Variants in KIF9 observed in about 807,000 individuals in gnomAD.
The protein encoded by KIF9 is kinesin-like protein KIF9.
In KIF9, 68 loss-of-function variants were observed where a neutral mutation model predicts 94.8. The observed-to-expected ratio is 0.72, with a 90% confidence interval of 0.59 to 0.88. KIF9 has a LOEUF of 0.88. Among genes scored for constraint, KIF9 ranks in the 40% least tolerant of loss-of-function variants. KIF9 has a pLI of 0.00. For synonymous variants in KIF9, 343 were observed against 362.1 expected (o/e 0.95, Z 0.60); for missense variants, 882 against 982.5 (o/e 0.90, Z 1.37).
chr3:47,243,039 T>C lies in KIF9; in HGVS notation c.1709+12A>G, dbSNP rs1699678679. 1.3e-6 allele frequency: 2 copies of C among 1,591,934 alleles called. No homozygotes were observed. Among genetic ancestry groups the C allele is most frequent in the Non-Finnish European group, 8.6e-7 (1 of 1,162,060 alleles). ...GTTTGATCTGGTGCAGAAGCTAACA[T>C]TAGCTGATTACCTAATTGGGCGTAA... On this transcript the variant is annotated intron_variant, in intron 16 of 20. Coordinates refer to ENST00000684063, the MANE Select transcript of KIF9 (RefSeq NM_182902.4).
In KIF9 at chr3:47,275,309, T is replaced by G; in HGVS notation, c.259+16A>C. The G allele has an allele frequency of 6.3e-7, 1 of 1,578,088 alleles. No individual in the cohort carries two copies. Among genetic ancestry groups the G allele is most frequent in the Non-Finnish European group, 8.6e-7 (1 of 1,161,138 alleles). On this transcript the variant is annotated intron_variant, in intron 3 of 20. Coordinates refer to ENST00000684063, the MANE Select transcript of KIF9 (RefSeq NM_182902.4). The stretch of plus-strand genomic sequence containing the variant: ...TCAGGTTCTTACATAAGACAACATT[T>G]AATTAATTAAGTTACCATTATAGCC...
In KIF9 at chr3:47,274,404, C is replaced by T. The variant is rs967646908; in HGVS notation, c.260-746G>A. ...TCCCCTTAGCATGGGCAGCCTGAGCCAGACCCCATCCCACAGGCTGCCCAT... is the reference window on the plus strand; with the variant it reads ...TCCCCTTAGCATGGGCAGCCTGAGCTAGACCCCATCCCACAGGCTGCCCAT... On this transcript the variant is annotated intron_variant, in intron 3 of 20. Coordinates refer to ENST00000684063, the MANE Select transcript of KIF9 (RefSeq NM_182902.4). 2.6e-5 allele frequency among the ~76,000 whole-genome samples: 4 copies of T among 152,222 alleles called. No individual in the cohort carries two copies. The East Asian group carries it at 7.7e-4, about 29-fold the overall frequency.
intron 12 of KIF9, chr3:47,246,501 A>G: frequency 3.5e-6 from 1 of 288,610 alleles, no homozygotes; most frequent in Non-Finnish European, 6.4e-6. Flanking sequence ...TTCGAAGTGG[A>G]GACCTCTATA....
At chr3:47,269,918 C>T (rs529729132) in intron 5 of KIF9, among the ~76,000 whole-genome samples, 8 of 151,846 alleles carry the variant, frequency 5.3e-5, no homozygotes, top group East Asian at 2.0e-4. Flanking sequence ...TGGGAGTTAG[C>T]GCCACCACAT....
At chr3:47,232,701 G>A (rs983378645) in intron 20 of KIF9, among the ~76,000 whole-genome samples, 5 of 151,956 alleles carry the variant, frequency 3.3e-5, no homozygotes, top group African/African-American at 1.2e-4. Context: ...AAGGAAAGTC[G>A]GCCGGGCATG....
At chr3:47,240,498 C>T (rs900861366) in intron 17 of KIF9, among the ~76,000 whole-genome samples, 37 of 152,300 alleles carry the variant, frequency 2.4e-4, no homozygotes, top group African/African-American at 8.4e-4. Context: ...AGTGATACCT[C>T]TGCAGGACAA....
intron 10 of KIF9, among the ~76,000 whole-genome samples, chr3:47,250,160 C>A (rs1193375088): frequency 6.6e-6 from 1 of 151,674 alleles, no homozygotes; most frequent in East Asian, 1.9e-4. Flanking sequence ...TTAGTGCTGT[C>A]CAATAGCACT....
intron 10 of KIF9, chr3:47,250,567 G>A (rs2107279896): frequency 2.0e-6 from 1 of 491,764 alleles, no homozygotes; most frequent in Non-Finnish European, 4.1e-6. Context: ...GTTCAAGGGT[G>A]GCACATCTCA....
In KIF9 at chr3:47,282,750, G is replaced by C. The variant is rs1702479214; in HGVS notation, c.-261C>G. 2 of 1,426,018 alleles carry C rather than the reference G, an allele frequency of 1.4e-6. No individual in the cohort carries two copies. The highest frequency in any genetic ancestry group is 1.4e-5 in the African/African-American group (1 of 69,362). The allele number at this position is 1,426,018 out of a possible 1,614,324, so 88.3% of individuals were successfully genotyped here. The stretch of plus-strand genomic sequence containing the variant: ...AGACTTCGGCGGATGCACATGCGAA[G>C]TCAAGGTCGAGATAGCGAGGGAACG... On this transcript the variant is annotated 5_prime_UTR_variant, in exon 1 of 21. Coordinates refer to ENST00000684063, the MANE Select transcript of KIF9 (RefSeq NM_182902.4).
At chr3:47,233,361 CAAAAAAAAAAAA>C (rs966425803) in intron 20 of KIF9, among the ~76,000 whole-genome samples, 5 of 26,326 alleles carry the variant, frequency 1.9e-4, no homozygotes, top group East Asian at 1.3e-3. Context: ...GACTCTGTCT[CAAAAAAAAAAAA>C]AAAAAAAAAA....
In KIF9 at chr3:47,247,419, T is replaced by A. The variant is rs747203409; in HGVS notation, c.1187A>T (p.Asn396Ile). The A allele has an allele frequency of 6.2e-7, 1 of 1,613,624 alleles. No homozygotes were observed. Among genetic ancestry groups the A allele is most frequent in the Non-Finnish European group, 8.5e-7 (1 of 1,179,734 alleles). Residue 396 changes from asparagine (N) to isoleucine (I), a missense_variant, in exon 12 of 21, where the codon AAC becomes ATC. Physicochemically the swap from Asn to Ile is moderately radical, Grantham distance 149. Coordinates refer to ENST00000684063, the MANE Select transcript of KIF9 (RefSeq NM_182902.4). ...CTCCAGGTACCTCCGCACCTGGGAG[T>A]TGATCTCAGCAATCTGGATTTCATC... ...PMDEIQIAEI[N>I]SQVRRYLEGT...
intron 17 of KIF9, chr3:47,239,784 C>G (rs1042244929): frequency 1.5e-6 from 2 of 1,363,538 alleles, no homozygotes; most frequent in Non-Finnish European, 2.0e-6. Context: ...AAATGCACCC[C>G]CTGTGAGTGA....
chr3:47,250,235 G>A (rs1018386524), intron 10 of KIF9, among the ~76,000 whole-genome samples: 6 of 152,096 alleles, frequency 3.9e-5, no homozygotes, highest in Non-Finnish European at 8.8e-5. Flanking sequence ...GACAAATACA[G>A]CTACTGAACA....
chr3:47,245,304 C>T, intron 14 of KIF9, 117 bp downstream of exon 14: 2 of 816,236 alleles, frequency 2.5e-6, no homozygotes, highest in Non-Finnish European at 4.3e-6. Flanking sequence ...TCTGGTGTTA[C>T]CTTTATCTGT....
rs549287193 is a variant in KIF9 at position 47,273,174 on chromosome 3, A to G, written c.366+378T>C. 3.9e-5 allele frequency among the ~76,000 whole-genome samples: 6 copies of G among 152,320 alleles called. No homozygotes were observed. The South Asian group carries it at 8.3e-4, about 21-fold the overall frequency. ...AAAAAGCCAGAGTAGGCCAGTAAGG[A>G]AGTTCTGCAAGGGTCTATATGCCCC... On this transcript the variant is annotated intron_variant, in intron 4 of 20. Coordinates refer to ENST00000684063, the MANE Select transcript of KIF9 (RefSeq NM_182902.4).
chr3:47,244,970 T>G (rs1239587659), intron 14 of KIF9, 46 bp from the exon 15 acceptor site: 1 of 1,607,056 alleles, frequency 6.2e-7, no homozygotes, highest in African/African-American at 1.3e-5. Context: ...GATTAAGGGC[T>G]TGGACCCCTT....
chr3:47,236,646 A>G (rs1003116323), intron 17 of KIF9, 27 bp from the exon 18 acceptor site: 3 of 1,608,584 alleles, frequency 1.9e-6, no homozygotes, highest in Admixed American at 1.7e-5. Flanking sequence ...GAAGTCAGGA[A>G]ATGAGGAGGT....
At chr3:47,255,086 G>C (rs543658035) in intron 10 of KIF9, among the ~76,000 whole-genome samples, 1 of 152,280 alleles carries the variant, frequency 6.6e-6, no homozygotes, top group South Asian at 2.1e-4. Context: ...CTGGTTTGTC[G>C]AGCTTAGGGC....
chr3:47,264,533 C>T (rs960476227), intron 8 of KIF9, among the ~76,000 whole-genome samples, 183 bp from the exon 9 acceptor site: 3 of 152,204 alleles, frequency 2.0e-5, no homozygotes, highest in Non-Finnish European at 4.4e-5. Context: ...GTCTCCTGGG[C>T]TCAAGTGATC....
Sources: allele counts gnomAD v4.1 joint callset (sites outside exome capture counted in the v4.1 genomes callset), GRCh38; gene constraint gnomAD v4.1.1; transcripts MANE v1.5; gene names NCBI Gene and HGNC (gene_info 2026-07-23, HGNC 2026-07-21).